TYW3: variants seen among roughly 807,000 people sequenced by gnomAD.
TYW3 encodes tRNA wybutosine-synthesizing protein 3 homolog.
TYW3 carries 26 observed loss-of-function variants against 23.1 expected under a neutral mutation model. The ratio of observed to expected loss-of-function variants is 1.13; its 90% CI spans 0.83 to 1.56. The LOEUF is 1.56. Among genes scored for constraint, TYW3 ranks in the 40% most tolerant of loss-of-function variants. TYW3 has a pLI of 0.00. For synonymous variants in TYW3, 102 were observed against 105.7 expected (o/e 0.97, Z 0.21); for missense variants, 316 against 311.9 (o/e 1.01, Z -0.10).
chr1:74,748,678 G>A (rs931621328), intron 3 of TYW3, 73 bp from the exon 4 acceptor site: 3 of 1,449,456 alleles, frequency 2.1e-6, no homozygotes, highest in East Asian at 2.3e-5. Flanking sequence ...ATATGTTTCT[G>A]TAGTTTGTGG....
At chr1:74,763,442 C>G (rs1217970765) in intron 5 of TYW3, among the ~76,000 whole-genome samples, 5 of 151,848 alleles carry the variant, frequency 3.3e-5, no homozygotes, top group Non-Finnish European at 7.4e-5. Context: ...CTAATTGTGA[C>G]AAATAGGTAT....
rs537640937 is a variant in TYW3, at chr1:74,733,641, C to A, written c.174+223C>A. ...ATCTTTTAAAATACAGATCCCGATT[C>A]TTTAAGTGTAGGGTAGGGCCTGATA... On this transcript the variant is annotated intron_variant, in intron 1 of 5. Transcript: ENST00000370867. 392 of 841,360 alleles carry A rather than the reference C, an allele frequency of 4.7e-4. No homozygotes were observed. In the Middle Eastern group the frequency reaches 6.2e-3, roughly 13 times the overall value. The allele number at this position is 841,360 out of a possible 1,614,324, so 52.1% of individuals were successfully genotyped here. A position where few individuals can be genotyped will look rare whatever the true frequency, so the allele number is the denominator to read the frequency against.
Position 74,763,937 on chromosome 1 carries a change from A to T in TYW3, c.604A>T (p.Thr202Ser), listed in dbSNP as rs201280394. The T allele has an allele frequency of 2.6e-5, 41 of 1,606,406 alleles. No individual in the cohort carries two copies. In the East Asian group the frequency reaches 7.8e-4, roughly 31 times the overall value. ...LQHALERETMTNLHPKIKEKN... is the reference protein window; with the variant it reads ...LQHALERETMSNLHPKIKEKN... ...GCATGCTTTGGAAAGGGAAACGATG[A>T]CTAACTTACATCCCAAGATCAAAGA... The change falls in exon 6 of 6, where the codon ACT becomes TCT. Residue 202 changes from threonine to serine, a missense_variant. Transcript: ENST00000370867.
chr1:74,737,612 CTGGG>C (rs1648194670), intron 2 of TYW3, among the ~76,000 whole-genome samples: 1 of 152,134 alleles, frequency 6.6e-6, no homozygotes, highest in Non-Finnish European at 1.5e-5. Flanking sequence ...CCCGGGGATG[CTGGG>C]CAGACAGAAA....
chr1:74,751,487 A>G (rs1648784867), intron 4 of TYW3: 2 of 152,110 alleles, frequency 1.3e-5, no homozygotes, highest in Admixed American at 6.5e-5. Context: ...CAGCCTGACC[A>G]ACATGGAGAA....
rs900003194 is a variant in TYW3 at position 74,765,919 on chromosome 1, C to T, written c.*1806C>T. On this transcript the variant is annotated 3_prime_UTR_variant, in exon 6 of 6. Transcript: ENST00000370867. ...ATATAAGGTTAGTAGAGAGGAGACACCAGGTGCTGGCCATAAACCTAAGAA... is the reference window on the plus strand; with the variant it reads ...ATATAAGGTTAGTAGAGAGGAGACATCAGGTGCTGGCCATAAACCTAAGAA... The T allele has an allele frequency of 3.9e-5, 6 of 152,216 alleles. No homozygotes were observed. The East Asian group carries it at 9.7e-4, about 25-fold the overall frequency. 9.4% of individuals were successfully genotyped at this position (152,216 alleles called of 1,614,324 possible). A position where few individuals can be genotyped will look rare whatever the true frequency, so the allele number is the denominator to read the frequency against.
intron 5 of TYW3, among the ~76,000 whole-genome samples, chr1:74,755,164 A>G (rs1648909786): frequency 6.6e-6 from 1 of 152,214 alleles, no homozygotes; most frequent in Non-Finnish European, 1.5e-5. Flanking sequence ...ATCCACTTTC[A>G]ATAGTTTTTT....
rs1431109919 is a variant in TYW3 at position 74,764,623 on chromosome 1, C to G, written c.*510C>G. The stretch of plus-strand genomic sequence containing the variant: ...ATAAACTAAATTAATGATGTAAATA[C>G]ATAGTTTTAAACATTCTTTTAGGGA... On this transcript the variant is annotated 3_prime_UTR_variant, in exon 6 of 6. Transcript: ENST00000370867. The G allele has an allele frequency of 6.6e-6, 1 of 152,196 alleles. No homozygotes were observed. Among genetic ancestry groups the G allele is most frequent in the Non-Finnish European group, 1.5e-5 (1 of 68,160 alleles). The allele number at this position is 152,196 out of a possible 1,614,324, so 9.4% of individuals were successfully genotyped here.
chr1:74,761,846 C>G (rs997603972), intron 5 of TYW3: 1 of 152,012 alleles, frequency 6.6e-6, no homozygotes, highest in Non-Finnish European at 1.5e-5. Context: ...TTATTCTGAC[C>G]TCATCTCTCA....
At chr1:74,763,462 TTAATA>T (rs1649195653) in intron 5 of TYW3, among the ~76,000 whole-genome samples, 1 of 152,160 alleles carries the variant, frequency 6.6e-6, no homozygotes, top group Admixed American at 6.6e-5. Context: ...TATGGATTAA[TTAATA>T]AATACATTAA....
Position 74,736,613 on chromosome 1 carries a change from A to G in TYW3, c.246A>G (p.Lys82=), listed in dbSNP as rs1350576681. 1 of 1,598,952 alleles carries G rather than the reference A, an allele frequency of 6.3e-7. No homozygotes were observed. Among genetic ancestry groups the G allele is most frequent in the Non-Finnish European group, 8.5e-7 (1 of 1,172,754 alleles). ...WLLVTHKLCV[K]DDVIVALKKA... ...TGGTTACACACAAACTTTGTGTAAA[A>G]GATGATGTGGTAAGTTTTAAAAAAT... Residue 82 remains lysine (K), a synonymous_variant, in exon 2 of 6, where the codon AAA becomes AAG. Coordinates refer to ENST00000370867, the MANE Select transcript of TYW3 (RefSeq NM_138467.3).
intron 3 of TYW3, among the ~76,000 whole-genome samples, chr1:74,745,407 C>T (rs570167820): frequency 6.6e-6 from 1 of 151,286 alleles, no homozygotes; most frequent in South Asian, 2.1e-4. Flanking sequence ...TGCTGATTGG[C>T]CCATTTTACA....
intron 1 of TYW3, 24 bp downstream of exon 1, chr1:74,733,442 A>G: frequency 2.5e-6 from 4 of 1,612,712 alleles, no homozygotes; most frequent in South Asian, 1.1e-5. Flanking sequence ...GCGCCTGTCC[A>G]TCGCCTGCCT....
Position 74,738,799 on chromosome 1 carries a change from G to A in TYW3, c.354+11G>A, listed in dbSNP as rs769132790. 8 of 1,598,816 alleles carry A rather than the reference G, an allele frequency of 5.0e-6. No homozygotes were observed. Among genetic ancestry groups the A allele is most frequent in the African/African-American group, 2.7e-5 (2 of 74,686 alleles). ...GATGCACAGATTCTGGTAAAATTTTGTTGTAATTGTACTTGAATTTATAGA... is the reference window on the plus strand; with the variant it reads ...GATGCACAGATTCTGGTAAAATTTTATTGTAATTGTACTTGAATTTATAGA... On this transcript the variant is annotated intron_variant, in intron 3 of 5. Transcript: ENST00000370867.
At chr1:74,746,550 T>C (rs900761902) in intron 3 of TYW3, among the ~76,000 whole-genome samples, 2 of 152,218 alleles carry the variant, frequency 1.3e-5, no homozygotes, top group Non-Finnish European at 2.9e-5. Context: ...TGAAGTGGAC[T>C]TAGAGGAACT....
At chr1:74,747,257 A>T (rs1016841007) in intron 3 of TYW3, among the ~76,000 whole-genome samples, 6 of 152,324 alleles carry the variant, frequency 3.9e-5, no homozygotes, top group African/African-American at 1.4e-4. Context: ...GGAATTGGGT[A>T]TAGGGGATGA....
chr1:74,735,101 C>A (rs3806161), intron 1 of TYW3, among the ~76,000 whole-genome samples: 30,487 of 152,174 alleles, frequency 0.2, 4,294 homozygotes, highest in East Asian at 0.71. Flanking sequence ...GGTTCTCTAA[C>A]AAGCCACTTA....
chr1:74,759,607 G>A (rs950639710), intron 5 of TYW3, among the ~76,000 whole-genome samples: 9 of 151,904 alleles, frequency 5.9e-5, no homozygotes, highest in African/African-American at 2.2e-4. Flanking sequence ...ATGGAGTTAG[G>A]GTTACCACCC....
At position 74,765,787 on chromosome 1, in the gene TYW3, CTATG is replaced by C. The variant is rs1450674417; in HGVS notation, c.*1678_*1681del. The C allele has an allele frequency of 6.6e-6, 1 of 152,008 alleles. No homozygotes were observed. The highest frequency in any genetic ancestry group is 1.5e-5 in the Non-Finnish European group (1 of 68,006). The allele number at this position is 152,008 out of a possible 1,614,324, so 9.4% of individuals were successfully genotyped here. A position where few individuals can be genotyped will look rare whatever the true frequency, so the allele number is the denominator to read the frequency against. On this transcript the variant is annotated 3_prime_UTR_variant, in exon 6 of 6. Transcript: ENST00000370867. Reference sequence around the variant, plus strand: ...TCATTTAAATTGATCTCCAAGAAAACTATGTATTTTAAAGATTCCATAAACTGAA... The same window carrying C: ...TCATTTAAATTGATCTCCAAGAAAACTATTTTAAAGATTCCATAAACTGAA...
Sources: allele counts gnomAD v4.1 joint callset (sites outside exome capture counted in the v4.1 genomes callset), GRCh38; gene constraint gnomAD v4.1.1; transcripts MANE v1.5; gene names NCBI Gene and HGNC (gene_info 2026-07-23, HGNC 2026-07-21).